The following NUP93 variants were observed in gnomAD, a reference collection of about 807,000 sequenced individuals.
The protein encoded by NUP93 is nuclear pore complex protein Nup93.
In NUP93, 55 loss-of-function variants were observed where a neutral mutation model predicts 107.8. That is an observed-to-expected ratio of 0.51 (90% CI 0.41 to 0.64). The LOEUF is 0.64. Among genes scored for constraint, NUP93 ranks in the 30% least tolerant of loss-of-function variants. The pLI is 0.00. For missense variants in NUP93, 937 were observed against 1,044.7 expected (o/e 0.90, Z 1.42); for synonymous variants, 390 against 397.5 (o/e 0.98, Z 0.22).
Position 56,841,764 on chromosome 16 carries a change from T to G in NUP93, c.2280T>G (p.Phe760Leu), listed in dbSNP as rs374313794. Residue 760 changes from phenylalanine (F) to leucine (L), a missense_variant, in exon 21 of 22, where the codon TTT becomes TTG. By Grantham distance (22) the Phe-to-Leu change is conservative. Transcript: ENST00000308159. ...LATMNILFTQFKRLKGTSPSS... is the reference protein window; with the variant it reads ...LATMNILFTQLKRLKGTSPSS... The stretch of plus-strand genomic sequence containing the variant: ...CCATGAACATCTTGTTCACACAGTT[T>G]AAGAGGCTCAAGGGGACAAGTCCAT... The G allele has an allele frequency of 3.7e-6, 6 of 1,614,054 alleles. No individual in the cohort carries two copies. The highest frequency in any genetic ancestry group is 3.3e-5 in the Admixed American group (2 of 60,006).
At chr16:56,743,536 G>A (rs1211848556) in intron 1 of NUP93, among the ~76,000 whole-genome samples, 2 of 152,130 alleles carry the variant, frequency 1.3e-5, no homozygotes, top group Non-Finnish European at 2.9e-5. Context: ...GCATAGTGGG[G>A]TATCCTACTG....
Position 56,839,043 on chromosome 16 carries a change from A to C in NUP93, c.2110A>C (p.Ser704Arg). The C allele has an allele frequency of 6.2e-7, 1 of 1,613,398 alleles. No individual in the cohort carries two copies. The highest frequency in any genetic ancestry group is 8.5e-7 in the Non-Finnish European group (1 of 1,179,392). The change falls in exon 19 of 22, where the codon AGT (serine) becomes CGT (arginine). Residue 704 changes from serine (S) to arginine (R), a missense_variant. Coordinates refer to ENST00000308159, the MANE Select transcript of NUP93 (RefSeq NM_014669.5). ...GATCACCTTTTTTGACGAGTATCAT[A>C]GTGGTCATATTGATAGAGCTTTTGA... ...DLITFFDEYH[S>R]GHIDRAFDII...
chr16:56,834,234 C>G lies in NUP93; in HGVS notation c.1644C>G (p.Leu548=). The change falls in exon 14 of 22, where the codon CTC becomes CTG. Residue 548 remains leucine (L), a synonymous_variant. Coordinates refer to ENST00000308159, the MANE Select transcript of NUP93 (RefSeq NM_014669.5). Reference sequence around the variant, plus strand: ...AGTCCACGGACCCAAGGGAGGCCCTCCAGTACTTCTATTTCCTCAGGTAAC... The same window carrying G: ...AGTCCACGGACCCAAGGGAGGCCCTGCAGTACTTCTATTTCCTCAGGTAAC... ...KFESTDPREA[L]QYFYFLRDEK... 1.2e-6 allele frequency: 2 copies of G among 1,614,136 alleles called. No homozygotes were observed. Among genetic ancestry groups the G allele is most frequent in the Non-Finnish European group, 1.7e-6 (2 of 1,180,014 alleles).
intron 3 of NUP93, among the ~76,000 whole-genome samples, chr16:56,792,416 A>C (rs748669496): frequency 4.6e-5 from 7 of 152,342 alleles, no homozygotes; most frequent in Non-Finnish European, 1.0e-4. Context: ...AGCGTGGAAG[A>C]GGGAAAACAA....
intron 1 of NUP93, among the ~76,000 whole-genome samples, chr16:56,742,611 T>C (rs1374024352): frequency 6.6e-6 from 1 of 152,252 alleles, no homozygotes; most frequent in Admixed American, 6.5e-5. Context: ...CCTGTCCTTT[T>C]ACAGAAGAAG....
intron 2 of NUP93, among the ~76,000 whole-genome samples, chr16:56,758,236 T>C (rs1278496624): frequency 6.6e-6 from 1 of 152,214 alleles, no homozygotes; most frequent in African/African-American, 2.4e-5. Flanking sequence ...TGGGTTTCTT[T>C]ACTATGACAT....
chr16:56,813,354 A>C (rs1017930774), intron 5 of NUP93, among the ~76,000 whole-genome samples: 6 of 152,242 alleles, frequency 3.9e-5, no homozygotes, highest in Non-Finnish European at 5.9e-5. Flanking sequence ...GTGGACTATT[A>C]GATGAAATGA....
At chr16:56,743,736 T>C (rs1961776273) in intron 1 of NUP93, among the ~76,000 whole-genome samples, 1 of 152,190 alleles carries the variant, frequency 6.6e-6, no homozygotes, top group Non-Finnish European at 1.5e-5. Context: ...GAAGCCTTCC[T>C]CATCCTTCCA....
intron 3 of NUP93, among the ~76,000 whole-genome samples, chr16:56,774,193 G>C (rs772856997): frequency 9.9e-5 from 15 of 152,160 alleles, no homozygotes; most frequent in Non-Finnish European, 1.9e-4. Context: ...TGCTGTGAGC[G>C]GATGTGCTGT....
intron 5 of NUP93, among the ~76,000 whole-genome samples, chr16:56,808,111 ATATAT>A (rs1229803462): frequency 7.6e-6 from 1 of 132,304 alleles, no homozygotes; most frequent in East Asian, 2.2e-4. Flanking sequence ...ACATATAAAT[ATATAT>A]TATATAACTA....
chr16:56,809,096 G>A (rs1963255908), intron 5 of NUP93, among the ~76,000 whole-genome samples: 1 of 152,028 alleles, frequency 6.6e-6, no homozygotes, highest in East Asian at 1.9e-4. Flanking sequence ...GTATCCCAGA[G>A]GTCTTTCCTG....
intron 6 of NUP93, among the ~76,000 whole-genome samples, chr16:56,819,697 C>T (rs1463811037): frequency 2.0e-5 from 3 of 152,248 alleles, no homozygotes; most frequent in Non-Finnish European, 4.4e-5. Flanking sequence ...CTGTCTTCAG[C>T]TGCCAGTTAT....
intron 1 of NUP93, among the ~76,000 whole-genome samples, chr16:56,731,037 CTTCT>C (rs752791833): frequency 4.6e-4 from 70 of 152,126 alleles, no homozygotes; most frequent in Middle Eastern, 6.8e-3. Context: ...CCTAGCTTTT[CTTCT>C]TTATTTTTTT....
At chr16:56,765,610 C>G (rs1019769376) in intron 3 of NUP93, among the ~76,000 whole-genome samples, 4 of 152,188 alleles carry the variant, frequency 2.6e-5, no homozygotes, top group Non-Finnish European at 4.4e-5. Flanking sequence ...TTACTGTGCC[C>G]TGTTCTGGTT....
chr16:56,808,772 A>G (rs1963244783), intron 5 of NUP93, among the ~76,000 whole-genome samples: 2 of 144,924 alleles, frequency 1.4e-5, no homozygotes, highest in African/African-American at 2.5e-5. Flanking sequence ...ATACATATAT[A>G]TAAATACATA....
intron 3 of NUP93, among the ~76,000 whole-genome samples, chr16:56,767,327 C>T (rs1962233230): frequency 1.3e-5 from 2 of 152,198 alleles, no homozygotes; most frequent in African/African-American, 4.8e-5. Flanking sequence ...GGGCGTGACA[C>T]AGCTGCCAAG....
At chr16:56,826,341 G>A (rs1567407413) in intron 8 of NUP93, among the ~76,000 whole-genome samples, 4 of 151,912 alleles carry the variant, frequency 2.6e-5, no homozygotes, top group African/African-American at 4.8e-5. Context: ...GTGAAACCCC[G>A]GTTATACTAA....
At chr16:56,763,927 TA>T (rs1199727516) in intron 3 of NUP93, among the ~76,000 whole-genome samples, 3 of 152,104 alleles carry the variant, frequency 2.0e-5, no homozygotes, top group Non-Finnish European at 4.4e-5. Flanking sequence ...AAATCTGTCC[TA>T]TATAAGTAAA....
At chr16:56,821,435 T>C in intron 6 of NUP93, 69 bp from the exon 7 acceptor site, 4 of 1,114,520 alleles carry the variant, frequency 3.6e-6, no homozygotes, top group Non-Finnish European at 5.4e-6. Context: ...GGCCATTGCC[T>C]GCTTCAGGAG....
Sources: allele counts gnomAD v4.1 joint callset (sites outside exome capture counted in the v4.1 genomes callset), GRCh38; gene constraint gnomAD v4.1.1; transcripts MANE v1.5; gene names NCBI Gene and HGNC (gene_info 2026-07-23, HGNC 2026-07-21).